The following GRID2 variants were observed in gnomAD, a reference collection of about 807,000 sequenced individuals.
GRID2 encodes the protein glutamate receptor ionotropic, delta-2.
In GRID2, 33 loss-of-function variants were observed where a neutral mutation model predicts 114.8. The ratio of observed to expected loss-of-function variants is 0.29; its 90% CI spans 0.22 to 0.38. The LOEUF (loss-of-function observed/expected upper bound fraction) is 0.38. Among genes scored for constraint, GRID2 ranks in the 10% least tolerant of loss-of-function variants. The probability of loss-of-function intolerance (pLI) is 1.00; values close to 1 mark genes in which losing one functional copy is unlikely to be tolerated. For synonymous variants in GRID2, 505 were observed against 449.9 expected, an observed-to-expected ratio of 1.12 and a Z score of -1.55; for missense variants, 1,184 against 1,257.7, an observed-to-expected ratio of 0.94 and a Z score of 0.89.
intron 1 of GRID2, among the ~76,000 whole-genome samples, chr4:92,350,751 T>C (rs1023500624): frequency 3.3e-5 from 5 of 151,900 alleles, no homozygotes; most frequent in Non-Finnish European, 7.4e-5. Context: ...TACATAGAGT[T>C]GTGTAACCAT....
intron 14 of GRID2, among the ~76,000 whole-genome samples, chr4:93,708,140 G>A (rs1034926711): frequency 9.9e-5 from 15 of 152,096 alleles, no homozygotes; most frequent in African/African-American, 3.6e-4. Context: ...ATGTACTGAA[G>A]AGAAGAATGT....
intron 2 of GRID2, among the ~76,000 whole-genome samples, chr4:92,679,981 A>G (rs1214921036): frequency 6.6e-6 from 1 of 151,660 alleles, no homozygotes; most frequent in Non-Finnish European, 1.5e-5. Context: ...ACTGTATTTG[A>G]TATTTATATA....
chr4:92,687,779 A>T (rs1733985226), intron 2 of GRID2, among the ~76,000 whole-genome samples: 1 of 151,986 alleles, frequency 6.6e-6, no homozygotes, highest in African/African-American at 2.4e-5. Flanking sequence ...CAGTGAGCCA[A>T]GATTGCACCA....
intron 8 of GRID2, among the ~76,000 whole-genome samples, chr4:93,385,601 T>A (rs1036512993): frequency 1.4e-4 from 21 of 152,154 alleles, no homozygotes; most frequent in African/African-American, 5.1e-4. Context: ...GAACTTGCAG[T>A]CTAGTAGGGG....
At chr4:93,358,105 G>C (rs1202630478) in intron 8 of GRID2, among the ~76,000 whole-genome samples, 2 of 151,686 alleles carry the variant, frequency 1.3e-5, no homozygotes, top group African/African-American at 4.8e-5. Context: ...CAATTTTGGA[G>C]AAAAATGGCA....
intron 1 of GRID2, among the ~76,000 whole-genome samples, chr4:92,561,774 A>G (rs1727114861): frequency 6.6e-6 from 1 of 152,124 alleles, no homozygotes; most frequent in Non-Finnish European, 1.5e-5. Context: ...CATCAACCAT[A>G]TATTTGAGAG....
intron 13 of GRID2, among the ~76,000 whole-genome samples, chr4:93,524,909 G>A (rs961228795): frequency 6.8e-6 from 1 of 147,654 alleles, no homozygotes; most frequent in Non-Finnish European, 1.5e-5. Flanking sequence ...ACTGTCTTAT[G>A]TACATAAAGA....
In GRID2 at chr4:92,443,040, G is replaced by C. The variant is rs188137544; in HGVS notation, c.88+138296G>C. On this transcript the variant is annotated intron_variant, in intron 1 of 15. Coordinates refer to ENST00000282020, the MANE Select transcript of GRID2 (RefSeq NM_001510.4). ...AGCCTGGGGAGGAAGGGAGAGGTCA[G>C]ATGGGTCTGTAGAAAAGGAAGATTA... Among the ~76,000 whole-genome samples, 111 of 152,208 alleles carry C rather than the reference G, an allele frequency of 7.3e-4. No individual in the cohort carries two copies. The East Asian group carries it at 0.02, about 27-fold the overall frequency.
rs1017525560 is a variant in GRID2 at position 93,717,102 on chromosome 4, C to T, written c.2361-52108C>T. The stretch of plus-strand genomic sequence containing the variant: ...CTTCTTTATAGCTCTGCTTTGCAGT[C>T]AGTTCTTTCCATCACTTCCTTTGAA... On this transcript the variant is annotated intron_variant, in intron 14 of 15. Coordinates refer to ENST00000282020, the MANE Select transcript of GRID2 (RefSeq NM_001510.4). 5.3e-5 allele frequency among the ~76,000 whole-genome samples: 8 copies of T among 152,186 alleles called. No homozygotes were observed. In the East Asian group the frequency reaches 1.5e-3, roughly 29 times the overall value.
chr4:93,376,775 C>T (rs1763420744), intron 8 of GRID2, among the ~76,000 whole-genome samples: 1 of 152,108 alleles, frequency 6.6e-6, no homozygotes, highest in Non-Finnish European at 1.5e-5. Context: ...ACAACGAGAA[C>T]ACATGGACAC....
intron 1 of GRID2, among the ~76,000 whole-genome samples, chr4:93,782,893 AC>A (rs1734508016): frequency 4.9e-4 from 1 of 2,044 alleles, no homozygotes; most frequent in African/African-American, 5.7e-3. Context: ...CATGAATCAT[AC>A]ACACACACAC....
chr4:92,939,571 G>T lies in GRID2; in HGVS notation c.245-145424G>T, dbSNP rs376934886. ...CTGTGCAGAAGCTCTTTAGTTTAAT[G>T]AGATCCCATTTGTCAATTTTGGCTT... On this transcript the variant is annotated intron_variant, in intron 2 of 15. Transcript: ENST00000282020. Among the ~76,000 whole-genome samples, 25 of 146,980 alleles carry T rather than the reference G, an allele frequency of 1.7e-4. 5 individuals are homozygous for T. Among genetic ancestry groups the T allele is most frequent in the South Asian group, 4.5e-4 (2 of 4,402 alleles).
At chr4:93,241,374 T>C (rs892419229) in intron 8 of GRID2, among the ~76,000 whole-genome samples, 3 of 151,708 alleles carry the variant, frequency 2.0e-5, no homozygotes, top group African/African-American at 7.2e-5. Flanking sequence ...GTAGGCATTT[T>C]TGGATCGTTA....
intron 1 of GRID2, among the ~76,000 whole-genome samples, chr4:92,514,143 TTC>T (rs1285559406): frequency 2.6e-5 from 4 of 151,888 alleles, no homozygotes; most frequent in Non-Finnish European, 4.4e-5. Flanking sequence ...AACTGATGAG[TTC>T]TGTTTTACCC....
At chr4:93,749,254 T>A (rs889194861) in intron 14 of GRID2, among the ~76,000 whole-genome samples, 1 of 152,230 alleles carries the variant, frequency 6.6e-6, no homozygotes. Flanking sequence ...AATGTCCTCA[T>A]TTCCTTTATG....
intron 2 of GRID2, among the ~76,000 whole-genome samples, chr4:92,939,400 T>G (rs1750921698): frequency 6.8e-6 from 1 of 147,464 alleles, no homozygotes; most frequent in Non-Finnish European, 1.5e-5. Context: ...TCACCCACTT[T>G]TTGATGGGGT....
intron 2 of GRID2, among the ~76,000 whole-genome samples, chr4:92,909,746 A>G (rs1485775758): frequency 6.6e-6 from 1 of 152,116 alleles, no homozygotes; most frequent in African/African-American, 2.4e-5. Flanking sequence ...TTATTTTAAA[A>G]CCCATTAATT....
At chr4:93,548,630 G>A (rs548455033) in intron 13 of GRID2, among the ~76,000 whole-genome samples, 2 of 152,108 alleles carry the variant, frequency 1.3e-5, no homozygotes. Flanking sequence ...ATAATCAGAA[G>A]AGTCTGTACA....
At chr4:93,072,038 C>T (rs1322997151) in intron 2 of GRID2, among the ~76,000 whole-genome samples, 1 of 152,028 alleles carries the variant, frequency 6.6e-6, no homozygotes, top group African/African-American at 2.4e-5. Context: ...AGAAGACTGA[C>T]ACATAAAGGT....
Sources: gnomAD v4.1 joint callset for allele counts (sites outside exome capture counted in the v4.1 genomes callset) on GRCh38, gnomAD v4.1.1 for gene constraint, MANE v1.5 for transcripts, NCBI Gene and HGNC (gene_info 2026-07-23, HGNC 2026-07-21) for gene names.